Variants in ATM observed in about 807,000 individuals in gnomAD.
ATM encodes the protein serine-protein kinase ATM.
Under a neutral mutation model 387.0 loss-of-function variants are expected in ATM, and 308 were observed. The observed-to-expected ratio is 0.80, with a 90% confidence interval of 0.73 to 0.87. The LOEUF (loss-of-function observed/expected upper bound fraction) is 0.87, where lower values mean the gene tolerates loss of function less well. Ranked by LOEUF, ATM falls within the 40% of genes least tolerant of loss-of-function variation. The pLI, the probability that ATM is intolerant of heterozygous loss-of-function variation, is 0.00. For synonymous variants in ATM, 1,156 were observed against 1,187.3 expected (o/e 0.97, Z 0.54); for missense variants, 3,312 against 3,560.9 (o/e 0.93, Z 1.78).
chr11:108,280,071 A>G (rs953935332), intron 23 of ATM, among the ~76,000 whole-genome samples: 2 of 152,078 alleles, frequency 1.3e-5, no homozygotes, highest in African/African-American at 2.4e-5. Context: ...TAGAGTTCAA[A>G]TTTTTTCATT....
intron 12 of ATM, 134 bp downstream of exon 12, chr11:108,253,046 C>T (rs1316460364): frequency 2.8e-6 from 2 of 724,422 alleles, no homozygotes; most frequent in East Asian, 2.7e-5. Flanking sequence ...AACTGTTAGC[C>T]AGGGAAGAGG....
chr11:108,231,876 A>G (rs1472375515), intron 4 of ATM, among the ~76,000 whole-genome samples: 2 of 152,068 alleles, frequency 1.3e-5, no homozygotes, highest in African/African-American at 4.8e-5. Context: ...GATAGCTTCA[A>G]CCCCTTGTCA....
intron 14 of ATM, among the ~76,000 whole-genome samples, chr11:108,257,273 A>G (rs2080554464): frequency 1.3e-5 from 2 of 152,216 alleles, no homozygotes; most frequent in African/African-American, 4.8e-5. Flanking sequence ...GCAAGAACAG[A>G]GTATAAGATT....
At chr11:108,336,141 TAAAAA>T (rs374306537) in intron 56 of ATM, 180 bp downstream of exon 56, 3 of 441,042 alleles carry the variant, frequency 6.8e-6, no homozygotes, top group East Asian at 8.2e-5. Context: ...GACAAAAAGT[TAAAAA>T]AAAAAAAAAA....
intron 59 of ATM, among the ~76,000 whole-genome samples, chr11:108,353,155 AT>A (rs540346489): frequency 0.016 from 2,360 of 147,316 alleles, 51 homozygotes; most frequent in African/African-American, 0.05. Flanking sequence ...AATGTCATTA[AT>A]TTTTTTTTTT....
chr11:108,256,825 T>A (rs879085176), intron 14 of ATM, among the ~76,000 whole-genome samples: 1 of 152,220 alleles, frequency 6.6e-6, no homozygotes, highest in Non-Finnish European at 1.5e-5. Flanking sequence ...GCTTCATCCA[T>A]GTCCCTGCAA....
chr11:108,331,965 G>T lies in ATM; in HGVS notation c.7716G>T (p.Leu2572=). ...ALANANRDEF[L]TKPEVARRSR... is the part of the protein sequence containing the mutation. ...CAAATGCAAACAGAGATGAATTTCT[G>T]ACTAAACCAGAGGTAGCCAGAAGAA... The change falls in exon 52 of 63, where the codon CTG becomes CTT. Residue 2572 remains leucine (L), a synonymous_variant. Coordinates refer to ENST00000675843, the MANE Select transcript of ATM (RefSeq NM_000051.4). 6.2e-7 allele frequency: 1 copy of T among 1,613,970 alleles called. No individual in the cohort carries two copies. Among genetic ancestry groups the T allele is most frequent in the Non-Finnish European group, 8.5e-7 (1 of 1,179,968 alleles).
intron 56 of ATM, among the ~76,000 whole-genome samples, chr11:108,337,387 A>G (rs1311603319): frequency 3.9e-5 from 6 of 152,238 alleles, no homozygotes; most frequent in Non-Finnish European, 8.8e-5. Context: ...AAGTTGCTCT[A>G]TAAAGGCTAC....
chr11:108,271,411 G>A lies in ATM; in HGVS notation c.3077+5G>A, dbSNP rs777003996. On this transcript the variant is annotated splice_donor_5th_base_variant and intron_variant, in intron 20 of 62. Coordinates refer to ENST00000675843, the MANE Select transcript of ATM (RefSeq NM_000051.4). ...TACAGTAATTGGAGCATTTTGGTAG[G>A]TACAGTCTATTTTGTGGTCCTATTT... The A allele has an allele frequency of 5.0e-6, 8 of 1,613,832 alleles. No individual in the cohort carries two copies. Among genetic ancestry groups the A allele is most frequent in the African/African-American group, 1.3e-5 (1 of 74,926 alleles).
chr11:108,263,385 A>C (rs1210806472), intron 16 of ATM, among the ~76,000 whole-genome samples: 10 of 144,068 alleles, frequency 6.9e-5, no homozygotes, highest in East Asian at 2.0e-4. Flanking sequence ...CTGAATGACT[A>C]CTGGGTACAT....
intron 5 of ATM, among the ~76,000 whole-genome samples, chr11:108,237,929 CT>C (rs2079372822): frequency 1.9e-5 from 1 of 53,256 alleles, no homozygotes; most frequent in African/African-American, 6.1e-5. Context: ...TTTTTTGCTT[CT>C]TTGTTTGTTT....
chr11:108,272,138 G>T (rs768952869), intron 20 of ATM, among the ~76,000 whole-genome samples: 5 of 152,200 alleles, frequency 3.3e-5, no homozygotes, highest in Admixed American at 6.5e-5. Flanking sequence ...GCCTCCCAAA[G>T]TGTTGGGATT....
intron 45 of ATM, 33 bp downstream of exon 45, chr11:108,321,453 G>A (rs1327131645): frequency 1.2e-6 from 2 of 1,613,486 alleles, no homozygotes; most frequent in African/African-American, 1.3e-5. Flanking sequence ...TTATCCTAAA[G>A]TGCAGCTTTT....
At chr11:108,314,448 T>C (rs1279286289) in intron 40 of ATM, among the ~76,000 whole-genome samples, 1 of 115,714 alleles carries the variant, frequency 8.6e-6, no homozygotes, top group South Asian at 3.3e-4. Flanking sequence ...TGGTTTTGTT[T>C]GTGTGATTTT....
chr11:108,257,399 C>T (rs969605548), intron 14 of ATM, 82 bp from the exon 15 acceptor site: 93 of 1,517,940 alleles, frequency 6.1e-5, no homozygotes, highest in South Asian at 1.3e-4. Flanking sequence ...TATAGTATGT[C>T]CAAGATCAAA....
intron 40 of ATM, among the ~76,000 whole-genome samples, chr11:108,313,533 C>A (rs1028986698): frequency 6.6e-6 from 1 of 152,168 alleles, no homozygotes; most frequent in Admixed American, 6.5e-5. Flanking sequence ...ATTAATACTT[C>A]ACATCATCAA....
At position 108,287,608 on chromosome 11, in the gene ATM, CTT is replaced by C; in HGVS notation, c.4003_4004del (p.Leu1335IlefsTer3). 1 of 1,609,132 alleles carries C rather than the reference CTT, an allele frequency of 6.2e-7. No homozygotes were observed. The highest frequency in any genetic ancestry group is 8.5e-7 in the Non-Finnish European group (1 of 1,176,080). On this transcript the variant is annotated frameshift_variant, in exon 27 of 63. Transcript: ENST00000675843. LOFTEE classifies it high-confidence loss of function. ...ATTTTGTGCCCTTGCAGATTGATCA[CTT>C]ATTCATTAGTAATTTACCAGAGATT... ...ENLLGKQIDH[L>X]FISNLPEIVV...
intron 39 of ATM, among the ~76,000 whole-genome samples, chr11:108,310,993 G>T (rs1194254594): frequency 6.6e-6 from 1 of 152,028 alleles, no homozygotes; most frequent in East Asian, 1.9e-4. Context: ...AAATGGCCTG[G>T]GTCTCATTAT....
chr11:108,263,601 C>G (rs1376376984), intron 16 of ATM, among the ~76,000 whole-genome samples: 2 of 148,754 alleles, frequency 1.3e-5, no homozygotes, highest in Non-Finnish European at 3.0e-5. Context: ...CAAACACATT[C>G]AAAAGCTAGC....
Sources: gnomAD v4.1 joint callset for allele counts (sites outside exome capture counted in the v4.1 genomes callset) on GRCh38, gnomAD v4.1.1 for gene constraint, MANE v1.5 for transcripts, NCBI Gene and HGNC (gene_info 2026-07-23, HGNC 2026-07-21) for gene names.